The following IFT52 variants were observed in gnomAD, a reference collection of about 807,000 sequenced individuals.
The protein encoded by IFT52 is intraflagellar transport 52, also known as intraflagellar transport protein 52 homolog.
Under a neutral mutation model 54.4 loss-of-function variants are expected in IFT52, and 44 were observed. The observed-to-expected ratio is 0.81, with a 90% CI of 0.63 to 1.04. The LOEUF is 1.04. Among genes scored for constraint, IFT52 ranks in the 50% least tolerant of loss-of-function variants. The probability of loss-of-function intolerance (pLI) is 0.00; values close to 1 mark genes in which losing one functional copy is unlikely to be tolerated. For synonymous variants in IFT52, 181 were observed against 185.3 expected, an observed-to-expected ratio of 0.98 and a Z score of 0.19; for missense variants, 452 against 523.6, an observed-to-expected ratio of 0.86 and a Z score of 1.33.
In IFT52 at chr20:43,624,183, A is replaced by G. The variant is rs144551432; in HGVS notation, c.923+138A>G. The stretch of plus-strand genomic sequence containing the variant: ...TGTTCTCAGATCTATGATGAGGTCA[A>G]CAAAGAAACTGGGCTGGGCATGAGG... On this transcript the variant is annotated intron_variant, in intron 10 of 13. Transcript: ENST00000373030. 1,039 of 939,242 alleles carry G rather than the reference A, an allele frequency of 1.1e-3. 9 individuals carry two copies. The African/African-American group carries it at 0.015, about 13-fold the overall frequency. 58.2% of individuals were successfully genotyped at this position (939,242 alleles called of 1,614,324 possible). A position where few individuals can be genotyped will look rare whatever the true frequency, so the allele number is the denominator to read the frequency against.
chr20:43,637,245 C>T lies in IFT52; in HGVS notation c.1112C>T (p.Thr371Ile). The change falls in exon 12 of 14, where the codon ACC becomes ATC. Residue 371 changes from threonine (T) to isoleucine (I), a missense_variant. Thr to Ile is a moderately conservative substitution (Grantham distance 89). Coordinates refer to ENST00000373030, the MANE Select transcript of IFT52 (RefSeq NM_016004.5). ...SSEKARLAQI[T>I]NKCTEEDLEF... is the part of the protein sequence containing the mutation. ...GAGAAGGCACGGCTGGCTCAGATTACCAATAAGTGTAAGTTTGGCGAACTT... is the reference window on the plus strand; with the variant it reads ...GAGAAGGCACGGCTGGCTCAGATTATCAATAAGTGTAAGTTTGGCGAACTT... The T allele has an allele frequency of 1.9e-6, 3 of 1,559,772 alleles. No individual in the cohort carries two copies. Among genetic ancestry groups the T allele is most frequent in the Non-Finnish European group, 2.6e-6 (3 of 1,158,282 alleles).
chr20:43,591,301 G>C (rs528397279), intron 1 of IFT52, among the ~76,000 whole-genome samples: 108 of 152,368 alleles, frequency 7.1e-4, no homozygotes, highest in African/African-American at 2.5e-3. Flanking sequence ...CATGGGACGA[G>C]GAATCGTACA....
At chr20:43,629,677 A>G (rs1186637740) in intron 10 of IFT52, among the ~76,000 whole-genome samples, 1 of 152,216 alleles carries the variant, frequency 6.6e-6, no homozygotes, top group Non-Finnish European at 1.5e-5. Context: ...GAATAGCTCC[A>G]TAGTTAACTT....
intron 1 of IFT52, among the ~76,000 whole-genome samples, chr20:43,592,131 G>A (rs1981574453): frequency 6.6e-6 from 1 of 152,156 alleles, no homozygotes; most frequent in South Asian, 2.1e-4. Context: ...AAAGCGGGTG[G>A]ATCACTTGAG....
intron 7 of IFT52, among the ~76,000 whole-genome samples, chr20:43,616,156 G>A (rs1600482398): frequency 6.6e-6 from 1 of 152,008 alleles, no homozygotes; most frequent in East Asian, 1.9e-4. Flanking sequence ...TAAAAAAACC[G>A]ATTTCATTTT....
intron 4 of IFT52, 100 bp downstream of exon 4, chr20:43,603,989 G>T: frequency 1.0e-6 from 1 of 988,898 alleles, no homozygotes. Context: ...AAAGCCCTGG[G>T]CTGTGTGTGC....
intron 2 of IFT52, among the ~76,000 whole-genome samples, chr20:43,595,253 G>A (rs1364652859): frequency 3.3e-5 from 5 of 150,812 alleles, no homozygotes; most frequent in Non-Finnish European, 7.4e-5. Context: ...GGAGGCAGAG[G>A]TTGCAGTGAG....
chr20:43,613,323 A>G (rs1568745907), intron 6 of IFT52, among the ~76,000 whole-genome samples: 1 of 152,164 alleles, frequency 6.6e-6, no homozygotes, highest in African/African-American at 2.4e-5. Context: ...TCCTCCCTCC[A>G]TCAGGGGCTT....
chr20:43,623,469 C>G (rs746027498), intron 9 of IFT52, among the ~76,000 whole-genome samples: 49 of 152,208 alleles, frequency 3.2e-4, no homozygotes, highest in Non-Finnish European at 5.1e-4. Flanking sequence ...GTGTGAGCCA[C>G]TGCACCCAGC....
intron 7 of IFT52, among the ~76,000 whole-genome samples, chr20:43,618,604 C>T (rs1029610088): frequency 1.3e-5 from 2 of 152,082 alleles, no homozygotes; most frequent in Non-Finnish European, 2.9e-5. Context: ...GCCTCAGCCT[C>T]CCGAGTAGCT....
intron 10 of IFT52, among the ~76,000 whole-genome samples, chr20:43,628,219 AC>A (rs145062392): frequency 0.014 from 2,070 of 152,100 alleles, 49 homozygotes; most frequent in African/African-American, 0.048. Flanking sequence ...ATGAGCCACC[AC>A]GCCCAGCCCA....
intron 12 of IFT52, among the ~76,000 whole-genome samples, chr20:43,641,953 C>A (rs1985950739): frequency 6.6e-6 from 1 of 152,124 alleles, no homozygotes; most frequent in Admixed American, 6.5e-5. Flanking sequence ...ATCACCACAT[C>A]TGGCTAATTT....
At position 43,646,985 on chromosome 20, in the gene IFT52, G is replaced by A. The variant is rs766220625; in HGVS notation, c.*2G>A. The A allele has an allele frequency of 6.2e-7, 1 of 1,613,072 alleles. No individual in the cohort carries two copies. Among genetic ancestry groups the A allele is most frequent in the East Asian group, 2.2e-5 (1 of 44,850 alleles). On this transcript the variant is annotated 3_prime_UTR_variant, in exon 14 of 14. Coordinates refer to ENST00000373030, the MANE Select transcript of IFT52 (RefSeq NM_016004.5). ...ACAGCATTCCAGAACAATTTCTGAA[G>A]ACCATGCCTCTTGAAGCTTTTTCTG...
At chr20:43,627,733 T>A (rs970833396) in intron 10 of IFT52, among the ~76,000 whole-genome samples, 1 of 151,928 alleles carries the variant, frequency 6.6e-6, no homozygotes, top group Non-Finnish European at 1.5e-5. Flanking sequence ...TAAGTTGTCT[T>A]AGCTCTTTTT....
At chr20:43,619,069 T>A in intron 8 of IFT52, 43 bp downstream of exon 8, 1 of 1,327,864 alleles carries the variant, frequency 7.5e-7, no homozygotes, top group Non-Finnish European at 1.1e-6. Flanking sequence ...ATGTGTATTA[T>A]TTTCATGTCA....
At chr20:43,614,719 A>G (rs1023919305) in intron 7 of IFT52, among the ~76,000 whole-genome samples, 2 of 150,634 alleles carry the variant, frequency 1.3e-5, no homozygotes, top group African/African-American at 4.9e-5. Flanking sequence ...TCAGAAAACT[A>G]TTTTTCCAGT....
intron 3 of IFT52, among the ~76,000 whole-genome samples, chr20:43,601,002 G>GAGCTTCTTTTGTTTGTTTGCTTTT (rs1281878350): frequency 1.3e-5 from 2 of 152,078 alleles, no homozygotes; most frequent in African/African-American, 4.8e-5. Flanking sequence ...ATTTTAGGCT[G>GAGCTTCTTTTGTTTGTTTGCTTTT]AGCTTCTTTT....
At chr20:43,607,466 C>T (rs1983027610) in intron 6 of IFT52, among the ~76,000 whole-genome samples, 2 of 149,178 alleles carry the variant, frequency 1.3e-5, no homozygotes, top group Non-Finnish European at 3.0e-5. Context: ...GGCGGCTGGG[C>T]AGAGACACTC....
intron 10 of IFT52, among the ~76,000 whole-genome samples, chr20:43,626,230 A>G (rs951437844): frequency 2.0e-5 from 3 of 151,494 alleles, no homozygotes; most frequent in Admixed American, 2.0e-4. Context: ...GTTTGGGGGC[A>G]CATCTGTACT....
Sources: allele counts gnomAD v4.1 joint callset (sites outside exome capture counted in the v4.1 genomes callset), GRCh38; gene constraint gnomAD v4.1.1; transcripts MANE v1.5; gene names NCBI Gene and HGNC (gene_info 2026-07-23, HGNC 2026-07-21).